CDH18: variants seen among roughly 807,000 people sequenced by gnomAD.
CDH18 encodes cadherin 18, also known as cadherin-18.
In CDH18, 31 loss-of-function variants were observed where a neutral mutation model predicts 67.9. The observed-to-expected ratio is 0.46, with a 90% CI of 0.34 to 0.62. The LOEUF (loss-of-function observed/expected upper bound fraction) is 0.62. Among genes scored for constraint, CDH18 ranks in the 20% least tolerant of loss-of-function variants. The pLI, the probability that CDH18 is intolerant of heterozygous loss-of-function variation, is 0.01. For synonymous variants in CDH18, 362 were observed against 347.2 expected (o/e 1.04, Z -0.48); for missense variants, 890 against 975.5 (o/e 0.91, Z 1.17).
intron 5 of CDH18, among the ~76,000 whole-genome samples, chr5:19,688,401 A>C (rs550431899): frequency 6.6e-5 from 10 of 152,266 alleles, no homozygotes; most frequent in African/African-American, 2.4e-4. Flanking sequence ...ATTAAACCTA[A>C]GCTACTGAGG....
intron 6 of CDH18, among the ~76,000 whole-genome samples, chr5:19,611,985 T>TGTGTGTGTGC (rs1491546802): frequency 2.0e-5 from 3 of 150,784 alleles, no homozygotes; most frequent in Non-Finnish European, 4.4e-5. Flanking sequence ...TGTGTGTGTG[T>TGTGTGTGTGC]GCATACATGC....
chr5:20,012,269 C>T lies in CDH18; in HGVS notation c.-517-20255G>A, dbSNP rs150916688. Among the ~76,000 whole-genome samples the T allele has an allele frequency of 1.1e-3, 167 of 150,048 alleles. 1 individual carries two copies. In the East Asian group the frequency reaches 0.013, roughly 12 times the overall value. On this transcript the variant is annotated intron_variant, in intron 2 of 14. Transcript: ENST00000507958. Reference sequence around the variant, plus strand: ...CTGTTGGTTGTATTTCTGTGTGGTCCGCCAAAATATCCTTCTTATCATTTC... The same window carrying T: ...CTGTTGGTTGTATTTCTGTGTGGTCTGCCAAAATATCCTTCTTATCATTTC...
chr5:20,518,420 C>T (rs12520315), intron 1 of CDH18, among the ~76,000 whole-genome samples: 73,261 of 151,828 alleles, frequency 0.48, 17,834 homozygotes, highest in East Asian at 0.58. Context: ...TATATCATCT[C>T]CCAAGTATGA....
At chr5:20,504,688 A>G (rs963676077) in intron 1 of CDH18, among the ~76,000 whole-genome samples, 19 of 152,168 alleles carry the variant, frequency 1.2e-4, no homozygotes, top group African/African-American at 4.6e-4. Context: ...AGACTTAATA[A>G]AAAGAATGAA....
At chr5:19,898,352 T>A (rs562668048) in intron 2 of CDH18, among the ~76,000 whole-genome samples, 4,481 of 151,514 alleles carry the variant, frequency 0.03, 245 homozygotes, top group African/African-American at 0.1. Flanking sequence ...TTCTTATAGT[T>A]AAAAAAAACT....
At chr5:20,192,362 C>T (rs1160503295) in intron 2 of CDH18, among the ~76,000 whole-genome samples, 3 of 152,026 alleles carry the variant, frequency 2.0e-5, no homozygotes, top group Non-Finnish European at 4.4e-5. Context: ...TTAATTAGAT[C>T]CCCTTTGTCA....
chr5:20,148,302 T>G (rs1351388400), intron 2 of CDH18, among the ~76,000 whole-genome samples: 1 of 152,072 alleles, frequency 6.6e-6, no homozygotes, highest in Non-Finnish European at 1.5e-5. Context: ...TTTCACTGTG[T>G]TAGCCAGGAT....
At chr5:20,442,053 A>G (rs1749648099) in intron 1 of CDH18, among the ~76,000 whole-genome samples, 1 of 151,898 alleles carries the variant, frequency 6.6e-6, no homozygotes, top group Non-Finnish European at 1.5e-5. Flanking sequence ...ATTGCCATCT[A>G]TCTTGTTAAT....
intron 1 of CDH18, among the ~76,000 whole-genome samples, chr5:20,482,957 A>G (rs1040576157): frequency 3.3e-5 from 5 of 152,078 alleles, no homozygotes; most frequent in African/African-American, 9.7e-5. Context: ...GAAAAAAATA[A>G]ATAGTATCCA....
At chr5:20,376,563 T>TA (rs529874090) in intron 1 of CDH18, among the ~76,000 whole-genome samples, 4,824 of 134,418 alleles carry the variant, frequency 0.036, 151 homozygotes, top group African/African-American at 0.091. Context: ...TTTGCTTAAT[T>TA]AAAAAAAAAA....
chr5:20,493,447 G>A (rs1753714050), intron 1 of CDH18, among the ~76,000 whole-genome samples: 1 of 141,408 alleles, frequency 7.1e-6, no homozygotes, highest in African/African-American at 2.6e-5. Flanking sequence ...AATAAACAAA[G>A]GCCACTCAAA....
At chr5:19,793,960 A>G (rs1472573505) in intron 3 of CDH18, among the ~76,000 whole-genome samples, 3 of 152,134 alleles carry the variant, frequency 2.0e-5, no homozygotes, top group African/African-American at 7.2e-5. Flanking sequence ...CTTAAGTTCC[A>G]AGATGCTACA....
At chr5:19,928,503 C>G (rs192044029) in intron 2 of CDH18, among the ~76,000 whole-genome samples, 42 of 152,154 alleles carry the variant, frequency 2.8e-4, no homozygotes, top group African/African-American at 9.6e-4. Flanking sequence ...AAATGATCAT[C>G]CTGAAAGTTC....
At chr5:19,569,177 C>T (rs1276522582) in intron 8 of CDH18, among the ~76,000 whole-genome samples, 2 of 152,208 alleles carry the variant, frequency 1.3e-5, no homozygotes, top group Non-Finnish European at 2.9e-5. Context: ...CTTACCATTG[C>T]AGAAAGCCTC....
At chr5:19,745,471 C>T (rs1378729663) in intron 4 of CDH18, among the ~76,000 whole-genome samples, 1 of 152,162 alleles carries the variant, frequency 6.6e-6, no homozygotes, top group African/African-American at 2.4e-5. Flanking sequence ...TCACCAGGAG[C>T]ACTCTCACAG....
In CDH18 at chr5:19,472,997, A is replaced by T; in HGVS notation, c.*229T>A. 1 of 469,770 alleles carries T rather than the reference A, an allele frequency of 2.1e-6. No homozygotes were observed. Among genetic ancestry groups the T allele is most frequent in the South Asian group, 3.3e-5 (1 of 29,862 alleles). 29.1% of individuals were successfully genotyped at this position (469,770 alleles called of 1,614,324 possible). ...GACTTTATTGAGCAATTGAAAATAT[A>T]CACAAGGAACAATAACTTTTTCTTT... On this transcript the variant is annotated 3_prime_UTR_variant, in exon 13 of 13. Transcript: ENST00000382275.
At chr5:20,260,215 T>G (rs1163605016) in intron 1 of CDH18, among the ~76,000 whole-genome samples, 1 of 151,314 alleles carries the variant, frequency 6.6e-6, no homozygotes, top group African/African-American at 2.4e-5. Flanking sequence ...ATGCTGGATT[T>G]TCTTGATTGG....
intron 1 of CDH18, among the ~76,000 whole-genome samples, chr5:20,479,895 G>A (rs1030448953): frequency 5.9e-5 from 9 of 152,070 alleles, no homozygotes; most frequent in African/African-American, 2.2e-4. Context: ...AAGAGAAAAG[G>A]AAGAAAAAAC....
At chr5:19,817,077 TA>T (rs1561364603) in intron 3 of CDH18, among the ~76,000 whole-genome samples, 1 of 151,834 alleles carries the variant, frequency 6.6e-6, no homozygotes, top group African/African-American at 2.4e-5. Flanking sequence ...AATAGGCAGT[TA>T]ATAAAAAAGA....
Sources: gnomAD v4.1 joint callset for allele counts (sites outside exome capture counted in the v4.1 genomes callset) on GRCh38, gnomAD v4.1.1 for gene constraint, MANE v1.5 for transcripts, NCBI Gene and HGNC (gene_info 2026-07-23, HGNC 2026-07-21) for gene names.